Variants in NOTCH2NLB observed in about 807,000 individuals in gnomAD.
NOTCH2NLB encodes the protein notch homolog 2 N-terminal-like protein B.
Under a neutral mutation model 14.8 loss-of-function variants are expected in NOTCH2NLB, and 1 was observed. The ratio of observed to expected loss-of-function variants is 0.07; its 90% CI spans 0.02 to 0.32. The LOEUF (loss-of-function observed/expected upper bound fraction) is 0.32. Ranked by LOEUF, NOTCH2NLB falls within the 10% of genes least tolerant of loss-of-function variation. NOTCH2NLB has a pLI of 1.00. For missense variants in NOTCH2NLB, 11 were observed against 155.0 expected, an observed-to-expected ratio of 0.07 and a Z score of 4.93; for synonymous variants, 6 against 57.5, an observed-to-expected ratio of 0.10 and a Z score of 4.05.
chr1:148,637,642 G>A (rs1664238468), intron 2 of NOTCH2NLB, among the ~76,000 whole-genome samples: 1 of 145,700 alleles, frequency 6.9e-6, no homozygotes. Flanking sequence ...TGTTTCATAG[G>A]TATACATGTG....
the NOTCH2NLB span, among the ~76,000 whole-genome samples, chr1:148,703,326 G>A: frequency 1.5e-5 from 2 of 129,438 alleles, no homozygotes; most frequent in Non-Finnish European, 3.4e-5. Flanking sequence ...AGCACTATAG[G>A]TGCTGTAGGA....
chr1:148,615,457 A>G (rs1212264155), intron 3 of NOTCH2NLB, among the ~76,000 whole-genome samples: 1 of 18,014 alleles, frequency 5.6e-5, no homozygotes, highest in African/African-American at 1.2e-4. Flanking sequence ...GCCCTGACAT[A>G]TATACTTTAA....
chr1:148,625,360 A>T (rs1207142341), intron 2 of NOTCH2NLB, among the ~76,000 whole-genome samples: 1,736 of 75,176 alleles, frequency 0.023, 400 homozygotes, highest in African/African-American at 0.054. Flanking sequence ...TTTTTTTTTT[A>T]AAACGAGGAT....
chr1:148,651,296 G>GA (rs1304273780), intron 1 of NOTCH2NLB, among the ~76,000 whole-genome samples: 7 of 74,588 alleles, frequency 9.4e-5, no homozygotes, highest in Admixed American at 2.8e-4. Context: ...CTGGTCAACA[G>GA]AAAAAAATAA....
At chr1:148,645,529 C>T (rs1230511619) in intron 1 of NOTCH2NLB, among the ~76,000 whole-genome samples, 16 of 147,260 alleles carry the variant, frequency 1.1e-4, no homozygotes, top group African/African-American at 3.5e-4. Flanking sequence ...GCTTACCTTA[C>T]GTGCCCAGTA....
chr1:148,679,695 G>T lies in NOTCH2NLB; in HGVS notation c.-231C>A, dbSNP rs1189343787. 9 of 1,025,058 alleles carry T rather than the reference G, an allele frequency of 8.8e-6. 2 individuals carry two copies. In the African/African-American group the frequency reaches 9.0e-5, roughly 10 times the overall value. 63.5% of individuals were successfully genotyped at this position (1,025,058 alleles called of 1,614,324 possible). ...AGGCGCAAATGCCTCGACTCCCCGCGCCCGGAGTCCGCCGCTCCTCGGCCG... is the reference window on the plus strand; with the variant it reads ...AGGCGCAAATGCCTCGACTCCCCGCTCCCGGAGTCCGCCGCTCCTCGGCCG... On this transcript the variant is annotated 5_prime_UTR_variant, in exon 1 of 5. Coordinates refer to ENST00000593495, the Ensembl canonical transcript of NOTCH2NLB.
At chr1:148,627,547 TA>T (rs1184632594) in intron 2 of NOTCH2NLB, among the ~76,000 whole-genome samples, 1 of 138,440 alleles carries the variant, frequency 7.2e-6, no homozygotes, top group African/African-American at 2.7e-5. Context: ...ATACTCTTGC[TA>T]AACGCCTTTC....
chr1:148,670,164 C>T (rs1664727431), intron 1 of NOTCH2NLB, among the ~76,000 whole-genome samples: 2 of 92,930 alleles, frequency 2.2e-5, no homozygotes, highest in Non-Finnish European at 4.8e-5. Flanking sequence ...ATGAAATGAA[C>T]AATTTTTATA....
At chr1:148,703,363 A>C in the NOTCH2NLB span, among the ~76,000 whole-genome samples, 1 of 113,060 alleles carries the variant, frequency 8.8e-6, no homozygotes, top group African/African-American at 2.9e-5. Flanking sequence ...AAATAAACAA[A>C]GGAAGGAATG....
intron 2 of NOTCH2NLB, among the ~76,000 whole-genome samples, chr1:148,633,509 C>T (rs1167278289): frequency 1.6e-5 from 1 of 61,734 alleles, no homozygotes; most frequent in Admixed American, 1.5e-4. Flanking sequence ...GCCAAGAAAG[C>T]GCCACTGCAC....
chr1:148,610,005 G>C (rs1282601338), intron 3 of NOTCH2NLB, among the ~76,000 whole-genome samples: 2 of 143,310 alleles, frequency 1.4e-5, no homozygotes, highest in African/African-American at 5.5e-5. Context: ...AAAGATCCCC[G>C]GACCGGAAGT....
rs1210364411 is a variant in NOTCH2NLB, at chr1:148,645,912, G to A, written c.4-5823C>T. On this transcript the variant is annotated intron_variant, in intron 1 of 4. Coordinates refer to ENST00000593495, the Ensembl canonical transcript of NOTCH2NLB. ...AAGCAATGCAGTTAAGCAGTTGAAA[G>A]CATGGATGCAGAAATCAGACAAATC... 1.6e-4 allele frequency among the ~76,000 whole-genome samples: 24 copies of A among 150,668 alleles called. 1 individual carries two copies. Among genetic ancestry groups the A allele is most frequent in the Admixed American group, 4.0e-4 (6 of 15,184 alleles).
At chr1:148,608,388 A>G (rs1444833645) in intron 3 of NOTCH2NLB, among the ~76,000 whole-genome samples, 6 of 134,656 alleles carry the variant, frequency 4.5e-5, no homozygotes, top group Non-Finnish European at 9.3e-5. Flanking sequence ...CTCCATTTCA[A>G]AAAAAAAAAA....
intron 1 of NOTCH2NLB, among the ~76,000 whole-genome samples, chr1:148,645,657 C>A (rs1664351045): frequency 6.8e-6 from 1 of 147,888 alleles, no homozygotes; most frequent in Non-Finnish European, 1.5e-5. Context: ...CTGATTTCTG[C>A]CTTCCTCATT....
intron 1 of NOTCH2NLB, among the ~76,000 whole-genome samples, chr1:148,670,539 A>AAATATATATATACACATATAT (rs1445301786): frequency 8.6e-5 from 8 of 93,448 alleles, no homozygotes; most frequent in African/African-American, 3.0e-4. Context: ...TAAAAAAAAA[A>AAATATATATATACACATATAT]ATATATATAT....
chr1:148,670,549 T>TATATATATATATATATATATAA (rs1664751961), intron 1 of NOTCH2NLB, among the ~76,000 whole-genome samples: 3 of 100,720 alleles, frequency 3.0e-5, no homozygotes, highest in Non-Finnish European at 6.0e-5. Context: ...AATATATATA[T>TATATATATATATATATATATAA]ATACATATAT....
At chr1:148,637,448 A>T (rs1397794233) in intron 2 of NOTCH2NLB, among the ~76,000 whole-genome samples, 1 of 139,134 alleles carries the variant, frequency 7.2e-6, no homozygotes, top group Non-Finnish European at 1.6e-5. Flanking sequence ...CCAAAAATAT[A>T]TAGGCGAACA....
the NOTCH2NLB span, among the ~76,000 whole-genome samples, chr1:148,707,958 C>CT: frequency 2.7e-4 from 9 of 33,092 alleles, 1 homozygote; most frequent in Admixed American, 1.1e-3. Context: ...TCTCCTATTC[C>CT]CCCCCCCCCA....
rs1248515194 is a variant in NOTCH2NLB at position 148,638,210 on chromosome 1, CATAA to C, written c.77+1802_77+1805del. Among the ~76,000 whole-genome samples the C allele has an allele frequency of 6.1e-5, 9 of 148,682 alleles. 2 individuals are homozygous for C. Among genetic ancestry groups the C allele is most frequent in the African/African-American group, 1.5e-4 (6 of 39,700 alleles). ...AGAGAACCAGTGTCTTCTTATTTAA[CATAA>C]ATAGATAAGAAACATGTGCATGACG... is the stretch of plus-strand genomic sequence containing the variant. On this transcript the variant is annotated intron_variant, in intron 2 of 4. Coordinates refer to ENST00000593495, the Ensembl canonical transcript of NOTCH2NLB.
Sources: allele counts gnomAD v4.1 joint callset (sites outside exome capture counted in the v4.1 genomes callset), GRCh38; gene constraint gnomAD v4.1.1; transcripts MANE v1.5; gene names NCBI Gene and HGNC (gene_info 2026-07-23, HGNC 2026-07-21).